RGS7: variants seen among roughly 807,000 people sequenced by gnomAD.
The protein encoded by RGS7 is regulator of G protein signaling 7.
In RGS7, 27 loss-of-function variants were observed where a neutral mutation model predicts 81.1. The ratio of observed to expected loss-of-function variants is 0.33; its 90% CI spans 0.25 to 0.46. The LOEUF (loss-of-function observed/expected upper bound fraction) is 0.46, where lower values mean the gene tolerates loss of function less well. Among genes scored for constraint, RGS7 ranks in the 20% least tolerant of loss-of-function variants. The probability of loss-of-function intolerance (pLI) is 1.00; values close to 1 mark genes in which losing one functional copy is unlikely to be tolerated. For synonymous variants in RGS7, 208 were observed against 207.7 expected (o/e 1.00, Z -0.01); for missense variants, 396 against 607.4 (o/e 0.65, Z 3.66).
At chr1:240,962,141 G>A (rs1681556599) in intron 4 of RGS7, among the ~76,000 whole-genome samples, 1 of 152,132 alleles carries the variant, frequency 6.6e-6, no homozygotes, top group South Asian at 2.1e-4. Flanking sequence ...TCCGGCAGAA[G>A]TCTACTGAAT....
At chr1:241,207,015 C>A (rs2073943794) in intron 2 of RGS7, among the ~76,000 whole-genome samples, 1 of 117,568 alleles carries the variant, frequency 8.5e-6, no homozygotes, top group Admixed American at 1.2e-4. Context: ...GTTGCCCAGG[C>A]TGGAGTGCAG....
chr1:240,861,151 T>C (rs1470982067), intron 9 of RGS7, among the ~76,000 whole-genome samples: 1 of 152,170 alleles, frequency 6.6e-6, no homozygotes, highest in Non-Finnish European at 1.5e-5. Context: ...AAAATGCTGA[T>C]TATATATTGG....
intron 2 of RGS7, among the ~76,000 whole-genome samples, chr1:241,119,969 G>T (rs2066136903): frequency 6.6e-6 from 1 of 152,216 alleles, no homozygotes; most frequent in Non-Finnish European, 1.5e-5. Flanking sequence ...GCAGCGCCTT[G>T]ATCTCTTCAA....
intron 2 of RGS7, among the ~76,000 whole-genome samples, chr1:241,238,676 AC>A (rs1321388256): frequency 1.3e-5 from 2 of 152,134 alleles, no homozygotes; most frequent in Admixed American, 6.5e-5. Context: ...CTAGGATTAC[AC>A]ATGTGTGTCA....
At chr1:240,878,489 C>CTTTTTTTTTTTTTTTT (rs57896753) in intron 6 of RGS7, among the ~76,000 whole-genome samples, 42 of 117,544 alleles carry the variant, frequency 3.6e-4, no homozygotes, top group African/African-American at 5.5e-4. Context: ...TTTTTTCTTT[C>CTTTTTTTTTTTTTTTT]TTTTTTTTTT....
At chr1:241,265,317 G>A (rs1311357664) in intron 2 of RGS7, among the ~76,000 whole-genome samples, 1 of 152,200 alleles carries the variant, frequency 6.6e-6, no homozygotes, top group Non-Finnish European at 1.5e-5. Context: ...TGCAGAGAAG[G>A]CAATCAAAAC....
chr1:240,885,678 T>C (rs1237296349), intron 6 of RGS7, among the ~76,000 whole-genome samples: 8 of 152,098 alleles, frequency 5.3e-5, no homozygotes, highest in Non-Finnish European at 1.2e-4. Flanking sequence ...TTCTCACTTA[T>C]AAGTGGGAGC....
intron 6 of RGS7, among the ~76,000 whole-genome samples, chr1:240,894,804 G>A (rs373393084): frequency 2.4e-4 from 37 of 151,808 alleles, no homozygotes; most frequent in African/African-American, 5.1e-4. Context: ...TCTCATTTTC[G>A]TTGCTAGCTC....
chr1:241,138,362 G>A (rs1003990321), intron 2 of RGS7, among the ~76,000 whole-genome samples: 4 of 152,112 alleles, frequency 2.6e-5, no homozygotes, highest in African/African-American at 4.8e-5. Context: ...AAAGGATGCA[G>A]GAAAGAGAGG....
At position 240,811,995 on chromosome 1, in the gene RGS7, G is replaced by A. The variant is rs776954930; in HGVS notation, c.1005C>T (p.Asp335=). Residue 335 remains aspartate (D), a synonymous_variant, in exon 14 of 19, where the codon GAC becomes GAT. Coordinates refer to ENST00000440928, the MANE Select transcript of RGS7 (RefSeq NM_001364886.1). ...QRVKRWGFGM[D]EALKDPVGRE... is the part of the protein sequence containing the mutation. ...TCCCAACTGGGTCTTTCAATGCCTC[G>A]TCCATGCCAAAACCCCATCGTTTTA... 26 of 1,613,834 alleles carry A rather than the reference G, an allele frequency of 1.6e-5. No homozygotes were observed. The highest frequency in any genetic ancestry group is 1.6e-4 in the Middle Eastern group (1 of 6,084).
intron 4 of RGS7, among the ~76,000 whole-genome samples, chr1:240,975,270 T>C (rs2148525615): frequency 6.6e-6 from 1 of 152,152 alleles, no homozygotes; most frequent in Non-Finnish European, 1.5e-5. Flanking sequence ...GGCGTGCTGG[T>C]GTGCGCCTGT....
At chr1:241,222,215 G>A (rs962642751) in intron 2 of RGS7, among the ~76,000 whole-genome samples, 2 of 152,150 alleles carry the variant, frequency 1.3e-5, no homozygotes, top group African/African-American at 2.4e-5. Flanking sequence ...TATAGCAGAT[G>A]GTGAATGAGA....
At chr1:240,783,799 G>T (rs941148636) in intron 18 of RGS7, among the ~76,000 whole-genome samples, 10 of 151,986 alleles carry the variant, frequency 6.6e-5, no homozygotes, top group Admixed American at 5.2e-4. Context: ...TTCTTCTCCT[G>T]CAATCCCTTC....
intron 2 of RGS7, among the ~76,000 whole-genome samples, chr1:241,316,314 A>G (rs952635606): frequency 6.6e-6 from 1 of 152,176 alleles, no homozygotes; most frequent in Non-Finnish European, 1.5e-5. Flanking sequence ...CCGGCCACTG[A>G]AGACCAGCTC....
chr1:241,346,097 AG>A (rs1197616503), intron 2 of RGS7, among the ~76,000 whole-genome samples: 1 of 152,168 alleles, frequency 6.6e-6, no homozygotes, highest in East Asian at 1.9e-4. Context: ...TACTTAAAAT[AG>A]GTGTTTCTAT....
intron 3 of RGS7, among the ~76,000 whole-genome samples, chr1:241,083,740 C>A (rs1182549581): frequency 6.6e-6 from 1 of 151,994 alleles, no homozygotes; most frequent in African/African-American, 2.4e-5. Flanking sequence ...CTGTTTGTAT[C>A]CTTGAATTTT....
intron 14 of RGS7, among the ~76,000 whole-genome samples, chr1:240,808,035 C>CAAAAAAAAAAAAAAAAAAAAAAAAAAAA (rs34236519): frequency 1.5e-5 from 1 of 66,594 alleles, no homozygotes. Flanking sequence ...AACTTCATCT[C>CAAAAAAAAAAAAAAAAAAAAAAAAAAAA]AAAAAAAAAA....
chr1:241,101,454 C>T (rs2064731640), intron 2 of RGS7, among the ~76,000 whole-genome samples: 1 of 151,678 alleles, frequency 6.6e-6, no homozygotes, highest in Admixed American at 6.6e-5. Flanking sequence ...CGAGATCATA[C>T]CACTGCCCTC....
chr1:241,345,734 T>C (rs535817038), intron 2 of RGS7, among the ~76,000 whole-genome samples: 1 of 152,056 alleles, frequency 6.6e-6, no homozygotes. Flanking sequence ...CAATAAAAAA[T>C]TTAATACTTA....
Sources: gnomAD v4.1 joint callset for allele counts (sites outside exome capture counted in the v4.1 genomes callset) on GRCh38, gnomAD v4.1.1 for gene constraint, MANE v1.5 for transcripts, NCBI Gene and HGNC (gene_info 2026-07-23, HGNC 2026-07-21) for gene names.